Variants in ITGB6 observed in about 807,000 individuals in gnomAD.
ITGB6 encodes integrin subunit beta 6.
A neutral mutation model predicts 84.5 loss-of-function variants in ITGB6; 80 were observed. The observed-to-expected ratio is 0.95, with a 90% confidence interval of 0.79 to 1.14. ITGB6 has a LOEUF of 1.14. ITGB6 is among the 50% of genes most tolerant of loss of function. The probability of loss-of-function intolerance (pLI) is 0.00; values close to 1 mark genes in which losing one functional copy is unlikely to be tolerated. For missense variants in ITGB6, 1,006 were observed against 968.0 expected (o/e 1.04, Z -0.52); for synonymous variants, 383 against 354.9 (o/e 1.08, Z -0.89).
At chr2:160,145,718 G>A (rs1344832508) in intron 7 of ITGB6, among the ~76,000 whole-genome samples, 1 of 152,254 alleles carries the variant, frequency 6.6e-6, no homozygotes, top group Non-Finnish European at 1.5e-5. Context: ...GGAACATGCG[G>A]TCACACAACT....
intron 7 of ITGB6, among the ~76,000 whole-genome samples, chr2:160,156,750 T>C (rs1684637409): frequency 6.6e-6 from 1 of 152,202 alleles, no homozygotes; most frequent in Admixed American, 6.5e-5. Flanking sequence ...CCTGATGTCA[T>C]CCAGCCAGGA....
intron 12 of ITGB6, among the ~76,000 whole-genome samples, chr2:160,117,146 G>A (rs1298751855): frequency 6.6e-6 from 1 of 151,948 alleles, no homozygotes; most frequent in African/African-American, 2.4e-5. Flanking sequence ...ATTGAACCCA[G>A]CTCTGCACCA....
At chr2:160,190,286 A>T (rs1397608754) in intron 4 of ITGB6, among the ~76,000 whole-genome samples, 1 of 152,036 alleles carries the variant, frequency 6.6e-6, no homozygotes, top group Non-Finnish European at 1.5e-5. Context: ...GCACACCAAC[A>T]TGGCACATGT....
intron 7 of ITGB6, among the ~76,000 whole-genome samples, chr2:160,162,574 T>C (rs528978964): frequency 6.6e-6 from 1 of 152,230 alleles, no homozygotes; most frequent in African/African-American, 2.4e-5. Context: ...GGTGGCAAAA[T>C]GTTAAAATGT....
At chr2:160,101,983 G>C in intron 14 of ITGB6, 149 bp from the exon 15 acceptor site, 1 of 598,532 alleles carries the variant, frequency 1.7e-6, no homozygotes. Context: ...CATATGTTTA[G>C]TGTTTTGCAA....
At chr2:160,186,210 G>T (rs1471216147) in intron 4 of ITGB6, among the ~76,000 whole-genome samples, 4 of 149,772 alleles carry the variant, frequency 2.7e-5, no homozygotes, top group Non-Finnish European at 5.9e-5. Context: ...GAAAATTTCT[G>T]CAATCTATCC....
At chr2:160,107,887 C>T (rs1696973799) in intron 13 of ITGB6, 42 bp from the exon 14 acceptor site, 2 of 1,506,052 alleles carry the variant, frequency 1.3e-6, no homozygotes, top group Admixed American at 1.9e-5. Context: ...GTAAAATCAA[C>T]ATTTTGACAT....
chr2:160,159,716 C>G (rs536740318), intron 7 of ITGB6, among the ~76,000 whole-genome samples: 1 of 152,156 alleles, frequency 6.6e-6, no homozygotes, highest in African/African-American at 2.4e-5. Flanking sequence ...TTGAAAACTC[C>G]TCAGCCTTCA....
chr2:160,112,339 T>TTG, intron 12 of ITGB6, 140 bp from the exon 13 acceptor site: 1 of 790,216 alleles, frequency 1.3e-6, no homozygotes, highest in Non-Finnish European at 2.0e-6. Context: ...ATAGGTTTTT[T>TTG]TTTTTCTCAT....
rs567477982 is a variant in ITGB6, at chr2:160,115,276, C to A, written c.1982-3077G>T. Among the ~76,000 whole-genome samples, 3 of 152,276 alleles carry A rather than the reference C, an allele frequency of 2.0e-5. 1 individual carries two copies. Among genetic ancestry groups the A allele is most frequent in the East Asian group, 3.9e-4 (2 of 5,182 alleles). On this transcript the variant is annotated intron_variant, in intron 12 of 14. Transcript: ENST00000283249. ...GGGGCAGACTGACACCTCACACAGC[C>A]GGGTACTCCTCTGAGGCAAAACTTC...
intron 4 of ITGB6, among the ~76,000 whole-genome samples, chr2:160,180,517 G>A (rs1014010192): frequency 2.0e-5 from 3 of 152,178 alleles, no homozygotes; most frequent in African/African-American, 7.2e-5. Flanking sequence ...GGTAAATTGT[G>A]TGTGATGGGG....
intron 4 of ITGB6, among the ~76,000 whole-genome samples, chr2:160,181,583 T>A (rs1438423448): frequency 6.6e-6 from 1 of 152,210 alleles, no homozygotes; most frequent in Non-Finnish European, 1.5e-5. Context: ...TAAACGTCCC[T>A]GCCTGCCAGC....
In ITGB6 at chr2:160,171,325, A is replaced by ATCTATTTTTTTTTTTTTTTTTT. The variant is rs1414747829; in HGVS notation, c.921+1243_921+1244insAAAAAAAAAAAAAAAAAATAGA. ...CTCAGACTGCTGCTTCAGAAATCAA[A>ATCTATTTTTTTTTTTTTTTTTT]TTTATTTTTTTATTTTTTTTTTTTT... On this transcript the variant is annotated intron_variant, in intron 6 of 14. Coordinates refer to ENST00000283249, the MANE Select transcript of ITGB6 (RefSeq NM_000888.5). Among the ~76,000 whole-genome samples, 2 of 126,004 alleles carry ATCTATTTTTTTTTTTTTTTTTT rather than the reference A, an allele frequency of 1.6e-5. 1 individual carries two copies. 82.7% of individuals were successfully genotyped at this position (126,004 alleles called of 152,430 possible). A position where few individuals can be genotyped will look rare whatever the true frequency, so the allele number is the denominator to read the frequency against.
intron 7 of ITGB6, among the ~76,000 whole-genome samples, chr2:160,148,780 C>T (rs532590816): frequency 1.3e-5 from 2 of 152,350 alleles, no homozygotes; most frequent in African/African-American, 4.8e-5. Context: ...TAGCAACTGG[C>T]AGACAAAGTG....
intron 10 of ITGB6, among the ~76,000 whole-genome samples, chr2:160,132,862 TTCCGAGTAATTTTCCA>T (rs1414949867): frequency 1.3e-5 from 2 of 152,162 alleles, no homozygotes; most frequent in Non-Finnish European, 2.9e-5. Context: ...TCTCAAGATA[TTCCGAGTAATTTTCCA>T]TCTTTGTCTT....
chr2:160,137,834 A>G lies in ITGB6; in HGVS notation c.1260T>C (p.Thr420=). The change falls in exon 10 of 15, where the codon ACT becomes ACC. Residue 420 remains threonine, a synonymous_variant. Transcript: ENST00000283249. The part of the protein sequence containing the change: ...KVGDTASFSV[T]VNIPHCERRS... ...TTCTCTCGCAGTGTGGGATATTCAC[A>G]GTCACGCTGAAGGAAGCCTGGAAAA... is the stretch of plus-strand genomic sequence containing the variant. 1.1e-5 allele frequency: 17 copies of G among 1,613,786 alleles called. No individual in the cohort carries two copies. Among genetic ancestry groups the G allele is most frequent in the Non-Finnish European group, 1.4e-5 (16 of 1,179,698 alleles).
intron 12 of ITGB6, 119 bp from the exon 13 acceptor site, chr2:160,112,318 A>G (rs1682570480): frequency 7.2e-6 from 7 of 970,726 alleles, no homozygotes; most frequent in African/African-American, 1.7e-5. Context: ...CAGAATGAGA[A>G]TAGGAGAGGC....
At chr2:160,119,270 A>G (rs1400314932) in intron 12 of ITGB6, among the ~76,000 whole-genome samples, 1 of 152,232 alleles carries the variant, frequency 6.6e-6, no homozygotes, top group Non-Finnish European at 1.5e-5. Context: ...AAACTATACT[A>G]CAAGGCTACA....
chr2:160,189,868 G>C lies in ITGB6; in HGVS notation c.593+5501C>G, dbSNP rs1319161756. ...CCCATTACTGGGTATATACCCAAAG[G>C]ATTCTAAATCATGCTGCTATAAAGA... On this transcript the variant is annotated intron_variant, in intron 4 of 14. Coordinates refer to ENST00000283249, the MANE Select transcript of ITGB6 (RefSeq NM_000888.5). Among the ~76,000 whole-genome samples the C allele has an allele frequency of 2.0e-5, 3 of 152,226 alleles. No homozygotes were observed. In the East Asian group the frequency reaches 5.8e-4, roughly 29 times the overall value.
Sources: gnomAD v4.1 joint callset for allele counts (sites outside exome capture counted in the v4.1 genomes callset) on GRCh38, gnomAD v4.1.1 for gene constraint, MANE v1.5 for transcripts, NCBI Gene and HGNC (gene_info 2026-07-23, HGNC 2026-07-21) for gene names.